Variants in TRIP11 observed in about 807,000 individuals in gnomAD.
TRIP11 encodes thyroid hormone receptor interactor 11.
TRIP11 carries 148 observed loss-of-function variants against 223.1 expected under a neutral mutation model. The observed-to-expected ratio is 0.66, with a 90% CI of 0.58 to 0.76. The LOEUF (loss-of-function observed/expected upper bound fraction) is 0.76, where lower values mean the gene tolerates loss of function less well. TRIP11 is among the 30% of genes least tolerant of loss of function. The pLI is 0.00. For missense variants in TRIP11, 2,043 were observed against 2,222.0 expected (o/e 0.92, Z 1.62); for synonymous variants, 762 against 772.6 (o/e 0.99, Z 0.23).
At chr14:91,972,299 A>T (rs981914250) in intron 20 of TRIP11, among the ~76,000 whole-genome samples, 4 of 152,226 alleles carry the variant, frequency 2.6e-5, no homozygotes, top group African/African-American at 2.4e-5. Context: ...AAATTTTCAA[A>T]GGAGAAAAAC....
intron 2 of TRIP11, among the ~76,000 whole-genome samples, chr14:92,031,915 G>A (rs1012351350): frequency 4.6e-4 from 70 of 151,996 alleles, no homozygotes; most frequent in African/African-American, 1.6e-3. Context: ...TGGGCCCTAA[G>A]ATCAGGTGAT....
At position 92,037,925 on chromosome 14, in the gene TRIP11, G is replaced by T. The variant is rs1300357607; in HGVS notation, c.139+1622C>A. On this transcript the variant is annotated intron_variant, in intron 1 of 20. Coordinates refer to ENST00000267622, the MANE Select transcript of TRIP11 (RefSeq NM_004239.4). The surrounding 1 kb of genome is among the most constrained non-coding windows in gnomAD (Gnocchi z 4.2). Reference sequence around the variant, plus strand: ...TGTAACAGGGTCAAGAAATTTTTACGCAGGTTTGTTTTTAGAAAGTAACTG... The same window carrying T: ...TGTAACAGGGTCAAGAAATTTTTACTCAGGTTTGTTTTTAGAAAGTAACTG... Among the ~76,000 whole-genome samples, 6 of 152,168 alleles carry T rather than the reference G, an allele frequency of 3.9e-5. No individual in the cohort carries two copies. Among genetic ancestry groups the T allele is most frequent in the Non-Finnish European group, 5.9e-5 (4 of 68,018 alleles).
At chr14:92,015,368 C>G (rs1046943872) in intron 6 of TRIP11, among the ~76,000 whole-genome samples, 2 of 152,096 alleles carry the variant, frequency 1.3e-5, no homozygotes, top group African/African-American at 2.4e-5. Context: ...ATTAATAAAA[C>G]TATCAACTGG....
At position 92,039,920 on chromosome 14, in the gene TRIP11, C is replaced by G. The variant is rs1339078272; in HGVS notation, c.-235G>C. On this transcript the variant is annotated 5_prime_UTR_variant, in exon 1 of 21. Transcript: ENST00000267622. ...GACACAGTCACCTACGGAGGGCCTT[C>G]TGCTCATTCCCACGAATTCCCACCG... The G allele has an allele frequency of 1.4e-6, 1 of 705,196 alleles. No individual in the cohort carries two copies. Among genetic ancestry groups the G allele is most frequent in the Non-Finnish European group, 2.3e-6 (1 of 436,898 alleles). The allele number at this position is 705,196 out of a possible 1,614,324, so 43.7% of individuals were successfully genotyped here. A position where few individuals can be genotyped will look rare whatever the true frequency, so the allele number is the denominator to read the frequency against.
chr14:91,979,950 T>A (rs1198802620), intron 16 of TRIP11, among the ~76,000 whole-genome samples: 2 of 149,826 alleles, frequency 1.3e-5, no homozygotes, highest in African/African-American at 4.9e-5. Context: ...TGTGAAATAA[T>A]CTCACATGCC....
chr14:92,007,559 T>G (rs754416427), intron 10 of TRIP11, 81 bp downstream of exon 10: 1 of 1,463,548 alleles, frequency 6.8e-7, no homozygotes, highest in East Asian at 2.3e-5. Context: ...AACTAAAATA[T>G]TAATTAAATC....
At chr14:91,973,801 C>A (rs574007082) in intron 19 of TRIP11, among the ~76,000 whole-genome samples, 1 of 152,036 alleles carries the variant, frequency 6.6e-6, no homozygotes, top group Non-Finnish European at 1.5e-5. Flanking sequence ...CTGAGGTGGG[C>A]GGACCACGAG....
intron 15 of TRIP11, among the ~76,000 whole-genome samples, chr14:91,993,135 T>C (rs993263328): frequency 2.6e-5 from 4 of 151,124 alleles, no homozygotes; most frequent in African/African-American, 9.7e-5. Flanking sequence ...TTTTAATCCA[T>C]GTGAAATGAG....
At chr14:91,999,850 G>C in intron 12 of TRIP11, 118 bp downstream of exon 12, 8 of 1,356,212 alleles carry the variant, frequency 5.9e-6, no homozygotes, top group Non-Finnish European at 8.2e-6. Context: ...CACAGCAGAG[G>C]AAGAATAAGA....
intron 12 of TRIP11, 93 bp downstream of exon 12, chr14:91,999,873 CAG>C (rs2056799384): frequency 6.6e-7 from 1 of 1,525,358 alleles, no homozygotes; most frequent in South Asian, 1.1e-5. Context: ...AATCACCTAA[CAG>C]AGAAATTCAT....
chr14:92,007,054 G>A (rs2056913937), intron 10 of TRIP11, among the ~76,000 whole-genome samples: 1 of 144,748 alleles, frequency 6.9e-6, no homozygotes, highest in Admixed American at 6.9e-5. Context: ...TTGAGACAGA[G>A]TCGCTCTGTT....
intron 6 of TRIP11, among the ~76,000 whole-genome samples, chr14:92,015,172 G>C (rs954959834): frequency 9.9e-5 from 15 of 152,060 alleles, no homozygotes; most frequent in Non-Finnish European, 2.1e-4. Flanking sequence ...CCAAAATGCT[G>C]GGGTTATAGC....
At chr14:91,969,967 A>G (rs2056381634) in intron 20 of TRIP11, 74 bp from the exon 21 acceptor site, 5 of 1,350,358 alleles carry the variant, frequency 3.7e-6, no homozygotes, top group South Asian at 2.6e-5. Flanking sequence ...TGAATGTAAT[A>G]GCATAAAGTT....
In TRIP11 at chr14:91,995,418, C is replaced by G. The variant is rs1376680341; in HGVS notation, c.4990G>C (p.Glu1664Gln). 6.2e-7 allele frequency: 1 copy of G among 1,614,070 alleles called. No individual in the cohort carries two copies. Among genetic ancestry groups the G allele is most frequent in the Admixed American group, 1.7e-5 (1 of 60,016 alleles). ...ETALQLSVSQ[E>Q]QVKQYALSLA... Reference sequence around the variant, plus strand: ...GACAGAGCATACTGCTTTACTTGTTCCTGAGAGACAGAAAGCTGCAGCGCA... The same window carrying G: ...GACAGAGCATACTGCTTTACTTGTTGCTGAGAGACAGAAAGCTGCAGCGCA... The change falls in exon 14 of 21, where the codon GAA (glutamate) becomes CAA (glutamine). Residue 1664 changes from glutamate to glutamine, a missense_variant. By Grantham distance (29) the Glu-to-Gln change is conservative. Coordinates refer to ENST00000267622, the MANE Select transcript of TRIP11 (RefSeq NM_004239.4).
At chr14:91,993,953 T>C in intron 14 of TRIP11, 41 bp from the exon 15 acceptor site, 1 of 1,469,280 alleles carries the variant, frequency 6.8e-7, no homozygotes, top group Non-Finnish European at 9.5e-7. Flanking sequence ...TTTGCAATCG[T>C]GTGTTAAGTT....
chr14:92,032,462 ATTC>A (rs1398952457), intron 2 of TRIP11, among the ~76,000 whole-genome samples: 7 of 150,674 alleles, frequency 4.6e-5, no homozygotes, highest in Non-Finnish European at 1.0e-4. Context: ...CTATTCCTAT[ATTC>A]TTAACTTTTT....
intron 2 of TRIP11, chr14:92,026,842 T>A (rs2057194553): frequency 3.4e-6 from 5 of 1,463,678 alleles, no homozygotes; most frequent in Non-Finnish European, 4.7e-6. Flanking sequence ...ATGATGAGGA[T>A]GACGATGTTG....
At chr14:92,002,845 T>C (rs556780941) in intron 11 of TRIP11, among the ~76,000 whole-genome samples, 1 of 152,238 alleles carries the variant, frequency 6.6e-6, no homozygotes, top group Non-Finnish European at 1.5e-5. Context: ...CCTCCCAAAC[T>C]GCTGAGATTA....
At position 91,993,801 on chromosome 14, in the gene TRIP11, T is replaced by C; in HGVS notation, c.5160+8A>G. The C allele has an allele frequency of 1.2e-6, 2 of 1,601,798 alleles. No homozygotes were observed. Among genetic ancestry groups the C allele is most frequent in the Non-Finnish European group, 1.7e-6 (2 of 1,169,146 alleles). On this transcript the variant is annotated splice_region_variant and intron_variant, in intron 15 of 20. Transcript: ENST00000267622. ...TAAAACCTACAAGAGAAAACTATTT[T>C]GTCCTACCTGTAATGATATCACTTT...
Sources: gnomAD v4.1 joint callset for allele counts (sites outside exome capture counted in the v4.1 genomes callset) on GRCh38, gnomAD v4.1.1 for gene constraint, Gnocchi (gnomAD v3.1) non-coding constraint, MANE v1.5 for transcripts, NCBI Gene and HGNC (gene_info 2026-07-23, HGNC 2026-07-21) for gene names.